The following PTPRD variants were observed in gnomAD, a reference collection of about 807,000 sequenced individuals.
PTPRD encodes receptor-type tyrosine-protein phosphatase delta.
In PTPRD, 34 loss-of-function variants were observed where a neutral mutation model predicts 214.5. That is an observed-to-expected ratio of 0.16 (90% CI 0.12 to 0.21). The LOEUF (loss-of-function observed/expected upper bound fraction) is 0.21. Ranked by LOEUF, PTPRD falls within the 10% of genes least tolerant of loss-of-function variation. The pLI is 1.00. For synonymous variants in PTPRD, 1,128 were observed against 845.7 expected (o/e 1.33, Z -5.79); for missense variants, 2,545 against 2,398.7 (o/e 1.06, Z -1.27).
intron 4 of PTPRD, among the ~76,000 whole-genome samples, chr9:10,007,182 A>G (rs2096496445): frequency 6.6e-6 from 1 of 152,036 alleles, no homozygotes; most frequent in Non-Finnish European, 1.5e-5. Flanking sequence ...GTAGGTGTTT[A>G]TCTCTGCACT....
intron 5 of PTPRD, among the ~76,000 whole-genome samples, chr9:9,937,058 C>G (rs1314726018): frequency 6.6e-6 from 1 of 151,984 alleles, no homozygotes; most frequent in Admixed American, 6.6e-5. Context: ...GGGAACATCA[C>G]ACTCTGGGGA....
intron 8 of PTPRD, among the ~76,000 whole-genome samples, chr9:9,528,639 A>T (rs550467852): frequency 6.6e-6 from 1 of 152,160 alleles, no homozygotes; most frequent in Non-Finnish European, 1.5e-5. Flanking sequence ...AAATAAAAAT[A>T]AAGAAATCAC....
chr9:9,219,389 T>C (rs2099954350), intron 9 of PTPRD, among the ~76,000 whole-genome samples: 1 of 149,342 alleles, frequency 6.7e-6, no homozygotes, highest in South Asian at 2.1e-4. Context: ...TATTCCATAA[T>C]GATAATGCAT....
At chr9:8,702,448 T>C (rs1042396426) in intron 12 of PTPRD, among the ~76,000 whole-genome samples, 1 of 152,160 alleles carries the variant, frequency 6.6e-6, no homozygotes, top group African/African-American at 2.4e-5. Context: ...CGTGAGTTCA[T>C]GAGAATAAAG....
intron 35 of PTPRD, among the ~76,000 whole-genome samples, chr9:8,420,608 C>A (rs1017744812): frequency 6.6e-6 from 1 of 151,918 alleles, no homozygotes; most frequent in African/African-American, 2.4e-5. Context: ...CAAATGAGTA[C>A]CAAGAGCAGA....
At chr9:8,387,011 T>C (rs905457237) in intron 37 of PTPRD, among the ~76,000 whole-genome samples, 1 of 152,144 alleles carries the variant, frequency 6.6e-6, no homozygotes, top group African/African-American at 2.4e-5. Context: ...TATTGTCAGA[T>C]TGGTGGTGGC....
At chr9:10,390,402 G>A (rs1265911385) in intron 2 of PTPRD, among the ~76,000 whole-genome samples, 1 of 151,754 alleles carries the variant, frequency 6.6e-6, no homozygotes, top group African/African-American at 2.4e-5. Context: ...ACTAGCCTGT[G>A]AAGATACTGG....
chr9:8,428,671 A>G (rs10815869), intron 35 of PTPRD, among the ~76,000 whole-genome samples: 27,155 of 152,048 alleles, frequency 0.18, 3,576 homozygotes, highest in East Asian at 0.56. Context: ...GGCCAAAAAA[A>G]ATTGTGTGTG....
In PTPRD at chr9:8,713,722, C is replaced by T. The variant is rs1449861303; in HGVS notation, c.64+20058G>A. ...GGAAGAGATCGCGGCCAGCAAGTGA[C>T]GCCGGCAGGCTGTCAAGCAGTTCCA... On this transcript the variant is annotated intron_variant, in intron 12 of 45. Transcript: ENST00000381196. 86 of 1,503,820 alleles carry T rather than the reference C, an allele frequency of 5.7e-5. 1 individual carries two copies. The highest frequency in any genetic ancestry group is 8.5e-5 in the Admixed American group (5 of 58,944). The allele number at this position is 1,503,820 out of a possible 1,614,324, so 93.2% of individuals were successfully genotyped here.
intron 3 of PTPRD, among the ~76,000 whole-genome samples, chr9:10,069,806 T>C (rs988729834): frequency 2.0e-5 from 3 of 152,108 alleles, no homozygotes; most frequent in South Asian, 2.1e-4. Flanking sequence ...AACAAACTGA[T>C]ATGTGTTGAC....
rs971128811 is a variant in PTPRD at position 9,856,060 on chromosome 9, G to C, written c.-368+82447C>G. 9.2e-5 allele frequency among the ~76,000 whole-genome samples: 14 copies of C among 152,310 alleles called. 1 individual carries two copies. In the South Asian group the frequency reaches 2.5e-3, roughly 27 times the overall value. Reference sequence around the variant, plus strand: ...GCAGGGGATTTTATTGCTGATGAAAGTGGCCCTCAGTGGGAAGGGGAGCTG... The same window carrying C: ...GCAGGGGATTTTATTGCTGATGAAACTGGCCCTCAGTGGGAAGGGGAGCTG... On this transcript the variant is annotated intron_variant, in intron 5 of 45. Coordinates refer to ENST00000381196, the MANE Select transcript of PTPRD (RefSeq NM_002839.4).
chr9:8,683,524 G>A (rs1483562858), intron 12 of PTPRD, among the ~76,000 whole-genome samples: 2 of 152,074 alleles, frequency 1.3e-5, no homozygotes, highest in South Asian at 2.1e-4. Context: ...CTGACTCTCA[G>A]AACCCACCTC....
At chr9:8,330,833 A>G (rs1839765784) in intron 44 of PTPRD, among the ~76,000 whole-genome samples, 1 of 152,130 alleles carries the variant, frequency 6.6e-6, no homozygotes, top group Non-Finnish European at 1.5e-5. Context: ...ATATTTTTTA[A>G]TAAACTCTCT....
chr9:10,167,294 T>C (rs2099165167), intron 3 of PTPRD, among the ~76,000 whole-genome samples: 1 of 152,062 alleles, frequency 6.6e-6, no homozygotes, highest in African/African-American at 2.4e-5. Context: ...AGATTAAAGC[T>C]GGTGCTGGAG....
At chr9:9,853,321 A>G (rs905143898) in intron 5 of PTPRD, among the ~76,000 whole-genome samples, 1 of 152,224 alleles carries the variant, frequency 6.6e-6, no homozygotes, top group African/African-American at 2.4e-5. Context: ...CAAGTTTCAT[A>G]TAATTCTTAT....
At chr9:10,433,612 C>T (rs2098697708) in intron 2 of PTPRD, among the ~76,000 whole-genome samples, 1 of 151,892 alleles carries the variant, frequency 6.6e-6, no homozygotes, top group East Asian at 1.9e-4. Context: ...GAAAACTTGT[C>T]ACCTAATTTG....
At chr9:9,920,642 T>C (rs1048276344) in intron 5 of PTPRD, among the ~76,000 whole-genome samples, 11 of 152,142 alleles carry the variant, frequency 7.2e-5, no homozygotes, top group Admixed American at 5.2e-4. Context: ...GAGATGCCAA[T>C]TGCTCACTGC....
Position 9,896,633 on chromosome 9 carries a change from C to T in PTPRD, c.-368+41874G>A, listed in dbSNP as rs575652758. On this transcript the variant is annotated intron_variant, in intron 5 of 45. Transcript: ENST00000381196. Reference sequence around the variant, plus strand: ...AGAATATCCTCCAACGAATTAGATCCGAGGAATTCATATTTAAGAGGATCA... The same window carrying T: ...AGAATATCCTCCAACGAATTAGATCTGAGGAATTCATATTTAAGAGGATCA... Among the ~76,000 whole-genome samples the T allele has an allele frequency of 4.6e-5, 7 of 151,940 alleles. No individual in the cohort carries two copies. In the East Asian group the frequency reaches 9.7e-4, roughly 21 times the overall value.
chr9:10,369,647 G>C (rs1053756239), intron 2 of PTPRD, among the ~76,000 whole-genome samples: 1 of 152,082 alleles, frequency 6.6e-6, no homozygotes, highest in Non-Finnish European at 1.5e-5. Flanking sequence ...GTTCTTCTAA[G>C]TAATAATTGC....
Sources: allele counts gnomAD v4.1 joint callset (sites outside exome capture counted in the v4.1 genomes callset), GRCh38; gene constraint gnomAD v4.1.1; transcripts MANE v1.5; gene names NCBI Gene and HGNC (gene_info 2026-07-23, HGNC 2026-07-21).